Variants in P3H4 observed in about 807,000 individuals in gnomAD.
The protein encoded by P3H4 is endoplasmic reticulum protein SC65.
P3H4 carries 47 observed loss-of-function variants against 52.9 expected under a neutral mutation model. The observed-to-expected ratio is 0.89, with a 90% CI of 0.70 to 1.13. P3H4 has a LOEUF of 1.13. Among genes scored for constraint, P3H4 ranks in the 50% most tolerant of loss-of-function variants. The pLI, the probability that P3H4 is intolerant of heterozygous loss-of-function variation, is 0.00. For missense variants in P3H4, 585 were observed against 611.0 expected (o/e 0.96, Z 0.45); for synonymous variants, 256 against 267.9 (o/e 0.96, Z 0.44).
In P3H4 at chr17:41,810,775, G is replaced by A. The variant is rs575268363; in HGVS notation, c.787+88C>T. The A allele has an allele frequency of 9.5e-6, 14 of 1,476,064 alleles. No individual in the cohort carries two copies. The African/African-American group carries it at 1.1e-4, about 12-fold the overall frequency. The allele number at this position is 1,476,064 out of a possible 1,614,324, so 91.4% of individuals were successfully genotyped here. A position where few individuals can be genotyped will look rare whatever the true frequency, so the allele number is the denominator to read the frequency against. ...CCTCCCGGCTGGCTCCTCCGCATTC[G>A]CAGTGCTCCACGTGCATGAAGGGGA... On this transcript the variant is annotated intron_variant, in intron 3 of 7. Transcript: ENST00000393928.
chr17:41,803,506 A>G (rs139076771), intron 6 of P3H4, 75 bp from the exon 7 acceptor site: 11 of 1,323,810 alleles, frequency 8.3e-6, no homozygotes, highest in Middle Eastern at 1.9e-4. Flanking sequence ...CTTCCTGGCC[A>G]ATGGGACTTC....
At chr17:41,805,290 A>AAAACAAACAAAC (rs148476559) in intron 6 of P3H4, among the ~76,000 whole-genome samples, 2,456 of 87,154 alleles carry the variant, frequency 0.028, 75 homozygotes, top group African/African-American at 0.095. Flanking sequence ...CTCTGTCTCA[A>AAAACAAACAAAC]AAACAAACAA....
At chr17:41,809,964 G>T in intron 3 of P3H4, 130 bp from the exon 4 acceptor site, 1 of 1,034,810 alleles carries the variant, frequency 9.7e-7, no homozygotes, top group Non-Finnish European at 1.4e-6. Context: ...TGTTGCTGTT[G>T]CAATCACAGG....
intron 6 of P3H4, among the ~76,000 whole-genome samples, chr17:41,803,915 T>C (rs2047644689): frequency 6.6e-6 from 1 of 151,288 alleles, no homozygotes; most frequent in African/African-American, 2.4e-5. Flanking sequence ...CTTCCCCCAC[T>C]AGACTGTGAG....
In P3H4 at chr17:41,803,399, C is replaced by G. The variant is rs1555613778; in HGVS notation, c.1179G>C (p.Glu393Asp). 6.2e-7 allele frequency: 1 copy of G among 1,613,838 alleles called. No individual in the cohort carries two copies. The highest frequency in any genetic ancestry group is 2.2e-5 in the East Asian group (1 of 44,868). Residue 393 changes from glutamate (E) to aspartate (D), a missense_variant, in exon 7 of 8, where the codon GAG becomes GAC. Physicochemically the swap from Glu to Asp is conservative, Grantham distance 45. Transcript: ENST00000393928. Reference sequence around the variant, plus strand: ...CGGCGTCAGATAGGGCATCCTCAGGCTCCAGGGGCGGTTCTGTCTCCTCCA... The same window carrying G: ...CGGCGTCAGATAGGGCATCCTCAGGGTCCAGGGGCGGTTCTGTCTCCTCCA... ...MELEETEPPL[E>D]PEDALSDAEF...
Position 41,811,771 on chromosome 17 carries a change from C to A in P3H4, c.145G>T (p.Gly49Ter), listed in dbSNP as rs955339258. ...CGCGCGCTCTCGCGCCAGCTCTCTC[C>A]CTCGTACTGCTCCAGAGCGTGCCCG... ...AYGHALEQYE[G>*]ESWRESARYL... Residue 49 changes from glycine (G) to a stop codon, truncating the protein, a stop_gained, in exon 1 of 8, where the codon GGA becomes TGA. Transcript: ENST00000393928. LOFTEE classifies it high-confidence loss of function. This position sits in a 1 kb window ranked among gnomAD's most constrained non-coding sequence, Gnocchi z 4.8. 2.0e-6 allele frequency: 3 copies of A among 1,532,526 alleles called. No homozygotes were observed. Among genetic ancestry groups the A allele is most frequent in the Admixed American group, 4.0e-5 (2 of 50,514 alleles). 94.9% of individuals were successfully genotyped at this position (1,532,526 alleles called of 1,614,324 possible). A position where few individuals can be genotyped will look rare whatever the true frequency, so the allele number is the denominator to read the frequency against.
intron 6 of P3H4, 64 bp downstream of exon 6, chr17:41,806,732 G>C: frequency 7.3e-7 from 1 of 1,366,838 alleles, no homozygotes; most frequent in Non-Finnish European, 1.0e-6. Flanking sequence ...CACACTGGTG[G>C]CCCCAGGAAA....
intron 6 of P3H4, among the ~76,000 whole-genome samples, chr17:41,805,061 G>A (rs1436588419): frequency 1.3e-5 from 2 of 151,956 alleles, no homozygotes; most frequent in Non-Finnish European, 2.9e-5. Flanking sequence ...CGAGGTGGGT[G>A]GATCACAAGG....
In P3H4 at chr17:41,802,505, A is replaced by T. The variant is rs1398853867; in HGVS notation, c.*452T>A. On this transcript the variant is annotated 3_prime_UTR_variant, in exon 8 of 8. Coordinates refer to ENST00000393928, the MANE Select transcript of P3H4 (RefSeq NM_006455.3). ...GGTCTTGAACTCCTGACCTCAAGTGATCGGCCTCTCAGTGCTGGGATTACA... is the reference window on the plus strand; with the variant it reads ...GGTCTTGAACTCCTGACCTCAAGTGTTCGGCCTCTCAGTGCTGGGATTACA... The T allele has an allele frequency of 5.7e-6, 1 of 175,162 alleles. No individual in the cohort carries two copies. The highest frequency in any genetic ancestry group is 1.9e-4 in the East Asian group (1 of 5,220). 10.9% of individuals were successfully genotyped at this position (175,162 alleles called of 1,614,324 possible). A position where few individuals can be genotyped will look rare whatever the true frequency, so the allele number is the denominator to read the frequency against.
At chr17:41,807,829 C>T (rs959414786) in intron 5 of P3H4, 30 bp downstream of exon 5, 2 of 1,603,162 alleles carry the variant, frequency 1.2e-6, no homozygotes, top group Middle Eastern at 1.7e-4. Flanking sequence ...AAGTGCATAT[C>T]CAGCAAGTGC....
chr17:41,806,789 C>G lies in P3H4; in HGVS notation c.1146+7G>C. On this transcript the variant is annotated splice_region_variant and intron_variant, in intron 6 of 7. Coordinates refer to ENST00000393928, the MANE Select transcript of P3H4 (RefSeq NM_006455.3). ...CAGCCCAATCCTGGAAAGCAGGAGG[C>G]ACTCACCTCATCATCTGACTGCAGG... 6.2e-7 allele frequency: 1 copy of G among 1,611,804 alleles called. No homozygotes were observed. The highest frequency in any genetic ancestry group is 8.5e-7 in the Non-Finnish European group (1 of 1,178,576).
At chr17:41,804,381 T>G (rs1423535347) in intron 6 of P3H4, among the ~76,000 whole-genome samples, 1 of 152,002 alleles carries the variant, frequency 6.6e-6, no homozygotes, top group Non-Finnish European at 1.5e-5. Flanking sequence ...ATCCCAGCAC[T>G]TTGGGAGGCT....
chr17:41,811,827 G>A lies in P3H4; in HGVS notation c.89C>T (p.Pro30Leu), dbSNP rs1378347588. 2.6e-6 allele frequency: 4 copies of A among 1,541,538 alleles called. No individual in the cohort carries two copies. Among genetic ancestry groups the A allele is most frequent in the Non-Finnish European group, 2.6e-6 (3 of 1,155,216 alleles). The change falls in exon 1 of 8, where the codon CCC becomes CTC. Residue 30 changes from proline (P) to leucine (L), a missense_variant. Pro to Leu is a moderately conservative substitution (Grantham distance 98, BLOSUM62 -3). Coordinates refer to ENST00000393928, the MANE Select transcript of P3H4 (RefSeq NM_006455.3). The surrounding 1 kb of genome is among the most constrained non-coding windows in gnomAD (Gnocchi z 4.8). Reference protein sequence around the residue: ...YEKYSFRGFPPEDLMPLAAAY... With the variant: ...YEKYSFRGFPLEDLMPLAAAY... ...CGCGGCCAGCGGCATCAGGTCCTCGGGCGGGAAGCCCCGGAAGCTGTACTT... is the reference window on the plus strand; with the variant it reads ...CGCGGCCAGCGGCATCAGGTCCTCGAGCGGGAAGCCCCGGAAGCTGTACTT...
chr17:41,803,139 A>G, intron 7 of P3H4, 148 bp downstream of exon 7: 7 of 1,416,784 alleles, frequency 4.9e-6, no homozygotes, highest in Non-Finnish European at 6.7e-6. Context: ...CAAGCGGGAC[A>G]GGGGTTGCCA....
Position 41,803,276 on chromosome 17 carries a change from G to A in P3H4, c.1291+11C>T, listed in dbSNP as rs782401195. On this transcript the variant is annotated intron_variant, in intron 7 of 7. Transcript: ENST00000393928. ...CTGCATCCCCACCCCCCAAGGACTC[G>A]TGTCACTGACCAGCCTCGGCCTCGT... 10 of 1,610,888 alleles carry A rather than the reference G, an allele frequency of 6.2e-6. No homozygotes were observed. Among genetic ancestry groups the A allele is most frequent in the South Asian group, 4.4e-5 (4 of 90,782 alleles).
intron 3 of P3H4, 165 bp downstream of exon 3, chr17:41,810,698 A>C: frequency 1.3e-6 from 1 of 758,152 alleles, no homozygotes; most frequent in Non-Finnish European, 2.1e-6. Flanking sequence ...CCCCTTGGAC[A>C]CTCCCAGCTG....
At chr17:41,805,560 G>C (rs140444003) in intron 6 of P3H4, among the ~76,000 whole-genome samples, 75 of 152,056 alleles carry the variant, frequency 4.9e-4, no homozygotes, top group African/African-American at 1.8e-3. Context: ...CCTGATCTCA[G>C]GTGATCCCTC....
chr17:41,808,959 G>A (rs1343623137), intron 4 of P3H4, among the ~76,000 whole-genome samples: 2 of 152,162 alleles, frequency 1.3e-5, no homozygotes, highest in Non-Finnish European at 2.9e-5. Flanking sequence ...TGGATGCCAG[G>A]ATCTCTCCAG....
intron 6 of P3H4, among the ~76,000 whole-genome samples, chr17:41,805,160 G>A (rs1330099053): frequency 3.3e-5 from 5 of 150,616 alleles, no homozygotes; most frequent in East Asian, 2.0e-4. Flanking sequence ...GGTGGCAGGC[G>A]CCTGTGGTCC....
Sources: allele counts gnomAD v4.1 joint callset (sites outside exome capture counted in the v4.1 genomes callset), GRCh38; gene constraint gnomAD v4.1.1; non-coding constraint Gnocchi (gnomAD v3.1); transcripts MANE v1.5; gene names NCBI Gene and HGNC (gene_info 2026-07-23, HGNC 2026-07-21).